Variants in PSD observed in about 807,000 individuals in gnomAD.
PSD encodes pleckstrin and Sec7 domain containing.
PSD carries 32 observed loss-of-function variants against 91.6 expected under a neutral mutation model. The ratio of observed to expected loss-of-function variants is 0.35; its 90% CI spans 0.26 to 0.47. The LOEUF is 0.47. Ranked by LOEUF, PSD falls within the 20% of genes least tolerant of loss-of-function variation. The pLI is 1.00. For synonymous variants in PSD, 532 were observed against 569.3 expected, an observed-to-expected ratio of 0.93 and a Z score of 0.93; for missense variants, 1,099 against 1,373.9, an observed-to-expected ratio of 0.80 and a Z score of 3.16.
rs1242948910 is a variant in PSD, at chr10:102,403,985, C to T, written c.2701G>A (p.Glu901Lys). Residue 901 changes from glutamate to lysine, a missense_variant and splice_region_variant, in exon 16 of 17, where the codon GAG (glutamate) becomes AAG (lysine). Coordinates refer to ENST00000020673, the MANE Select transcript of PSD (RefSeq NM_002779.5). This position sits in a 1 kb window ranked among gnomAD's most constrained non-coding sequence, Gnocchi z 6.7. ...GCCTCGTGGGTCCGCACCTGCTCCT[C>T]CTAGCGGCCAGGGGGAGGCATGGTC... The part of the protein sequence containing the change: ...LPSAATRLSQ[E>K]EQVRTHEAKL... 1.9e-6 allele frequency: 3 copies of T among 1,551,348 alleles called. No individual in the cohort carries two copies. The highest frequency in any genetic ancestry group is 2.7e-5 in the African/African-American group (2 of 73,558).
rs374445350 is a variant in PSD, at chr10:102,407,205, C to T, written c.2135+18G>A. Reference sequence around the variant, plus strand: ...CCCATGCCCCATCCTAGCCCCACCACGCAGCCCCGGGACTCACATGGCCCA... The same window carrying T: ...CCCATGCCCCATCCTAGCCCCACCATGCAGCCCCGGGACTCACATGGCCCA... On this transcript the variant is annotated intron_variant, in intron 11 of 16. Coordinates refer to ENST00000020673, the MANE Select transcript of PSD (RefSeq NM_002779.5). 167 of 1,599,972 alleles carry T rather than the reference C, an allele frequency of 1.0e-4. 1 individual carries two copies. The African/African-American group carries it at 1.9e-3, about 18-fold the overall frequency.
chr10:102,416,785 G>T lies in PSD; in HGVS notation c.254C>A (p.Pro85His). The change falls in exon 2 of 17, where the codon CCC becomes CAC. Residue 85 changes from proline to histidine, a missense_variant. Physicochemically the swap from Pro to His is moderately conservative, Grantham distance 77. Around this residue, in one of 3 missense-constraint regions of PSD, gnomAD observed 631 missense variants for 728.8 expected, o/e 0.87. Coordinates refer to ENST00000020673, the MANE Select transcript of PSD (RefSeq NM_002779.5). The surrounding 1 kb of genome is among the most constrained non-coding windows in gnomAD (Gnocchi z 6.0). ...SPRVAPSPWA[P>H]SSPTGQPPPG... is the part of the protein sequence containing the mutation. ...TGGGGGCTGCCCAGTGGGTGAAGAG[G>T]GTGCCCAGGGTGAGGGAGCAACACG... 1.3e-6 allele frequency: 2 copies of T among 1,595,422 alleles called. No homozygotes were observed. The highest frequency in any genetic ancestry group is 1.7e-6 in the Non-Finnish European group (2 of 1,170,306).
At position 102,404,165 on chromosome 10, in the gene PSD, G is replaced by A. The variant is rs568602372; in HGVS notation, c.2701-180C>T. Among the ~76,000 whole-genome samples the A allele has an allele frequency of 2.6e-5, 4 of 152,254 alleles. No individual in the cohort carries two copies. The highest frequency in any genetic ancestry group is 4.1e-4 in the South Asian group (2 of 4,822). ...AGATCGAGACCATCCTGGCTAACAC[G>A]GTGAAACCCCGTCTCTACTAAAAAT... On this transcript the variant is annotated intron_variant, in intron 15 of 16. Transcript: ENST00000020673. This position sits in a 1 kb window ranked among gnomAD's most constrained non-coding sequence, Gnocchi z 5.7.
At chr10:102,418,395 A>G (rs2061511072) in intron 1 of PSD, among the ~76,000 whole-genome samples, 1 of 152,026 alleles carries the variant, frequency 6.6e-6, no homozygotes. Flanking sequence ...ACAGTCACAT[A>G]CACATACAGA....
chr10:102,413,373 G>A (rs753587229), intron 5 of PSD, among the ~76,000 whole-genome samples: 12 of 152,190 alleles, frequency 7.9e-5, no homozygotes, highest in Non-Finnish European at 1.3e-4. Flanking sequence ...ACATGGGAGG[G>A]AGGCAGTGGG....
rs745558876 is a variant in PSD, at chr10:102,404,858, G to A, written c.2555+40C>T. 10 of 1,603,334 alleles carry A rather than the reference G, an allele frequency of 6.2e-6. No individual in the cohort carries two copies. Among genetic ancestry groups the A allele is most frequent in the Non-Finnish European group, 8.5e-6 (10 of 1,174,004 alleles). On this transcript the variant is annotated intron_variant, in intron 14 of 16. Coordinates refer to ENST00000020673, the MANE Select transcript of PSD (RefSeq NM_002779.5). This position sits in a 1 kb window ranked among gnomAD's most constrained non-coding sequence, Gnocchi z 5.7. ...CAGGGAGGGGAGCAGGATGGGAGGT[G>A]GGGGAAGGGGTCCGGGATGGGCAGG...
rs1273627593 is a variant in PSD, at chr10:102,409,772, A to G, written c.2091+1086T>C. 6.6e-6 allele frequency among the ~76,000 whole-genome samples: 1 copy of G among 152,092 alleles called. No individual in the cohort carries two copies. The highest frequency in any genetic ancestry group is 1.9e-4 in the East Asian group (1 of 5,178). On this transcript the variant is annotated intron_variant, in intron 10 of 16. Transcript: ENST00000020673. This position sits in a 1 kb window ranked among gnomAD's most constrained non-coding sequence, Gnocchi z 5.7. ...GCAGACACTACCCATTCAGATGGACACTTCAAAACTTAGAATCTTTAGCTC... is the reference window on the plus strand; with the variant it reads ...GCAGACACTACCCATTCAGATGGACGCTTCAAAACTTAGAATCTTTAGCTC...
Position 102,403,121 on chromosome 10 carries a change from C to A in PSD, c.*79G>T. 8.1e-7 allele frequency: 1 copy of A among 1,235,764 alleles called. No individual in the cohort carries two copies. 76.5% of individuals were successfully genotyped at this position (1,235,764 alleles called of 1,614,324 possible). The stretch of plus-strand genomic sequence containing the variant: ...TAGGCCGGGAGGCCCTCGTGGGTGG[C>A]CCGAGGCCGGCCCGGGCTCAGGCAG... On this transcript the variant is annotated 3_prime_UTR_variant, in exon 17 of 17. Transcript: ENST00000020673. This position sits in a 1 kb window ranked among gnomAD's most constrained non-coding sequence, Gnocchi z 6.7.
rs775475621 is a variant in PSD at position 102,416,823 on chromosome 10, G to A, written c.216C>T (p.Gly72=). ...AGGGAGCAACACGGGGTGAGGGGGG[G>A]CCACGCAGAGGTGTACAGGGTGCTG... ...RVTAPCTPLR[G]PPSPRVAPSP... The change falls in exon 2 of 17, where the codon GGC becomes GGT. Residue 72 remains glycine, a synonymous_variant. Coordinates refer to ENST00000020673, the MANE Select transcript of PSD (RefSeq NM_002779.5). The surrounding 1 kb of genome is among the most constrained non-coding windows in gnomAD (Gnocchi z 6.0). 2 of 1,598,248 alleles carry A rather than the reference G, an allele frequency of 1.3e-6. No homozygotes were observed. The highest frequency in any genetic ancestry group is 2.2e-5 in the East Asian group (1 of 44,740).
At position 102,410,725 on chromosome 10, in the gene PSD, A is replaced by G; in HGVS notation, c.2091+133T>C. On this transcript the variant is annotated intron_variant, in intron 10 of 16. Coordinates refer to ENST00000020673, the MANE Select transcript of PSD (RefSeq NM_002779.5). This position sits in a 1 kb window ranked among gnomAD's most constrained non-coding sequence, Gnocchi z 6.0. ...GGCGGTCCCCAGGCTGAGTCACGAG[A>G]GCCCGGGCTTCCGTGGCAGGAGCCG... is the stretch of plus-strand genomic sequence containing the variant. 1.4e-6 allele frequency: 1 copy of G among 736,290 alleles called. No homozygotes were observed. Among genetic ancestry groups the G allele is most frequent in the East Asian group, 2.5e-5 (1 of 39,766 alleles). 45.6% of individuals were successfully genotyped at this position (736,290 alleles called of 1,614,324 possible). A position where few individuals can be genotyped will look rare whatever the true frequency, so the allele number is the denominator to read the frequency against.
chr10:102,411,025 T>C, intron 9 of PSD, 33 bp downstream of exon 9: 1 of 1,613,180 alleles, frequency 6.2e-7, no homozygotes, highest in Non-Finnish European at 8.5e-7. Flanking sequence ...CAGGGGTTTG[T>C]TTTCCGGCTC....
Position 102,404,514 on chromosome 10 carries a change from T to C in PSD, c.2700+69A>G. The C allele has an allele frequency of 6.5e-7, 1 of 1,541,258 alleles. No individual in the cohort carries two copies. Among genetic ancestry groups the C allele is most frequent in the Non-Finnish European group, 8.8e-7 (1 of 1,138,580 alleles). Reference sequence around the variant, plus strand: ...ATCTCCACGATCACACGCAGCAGCCTTGAGTGCAGTGGGCCTGAGCCTAAC... The same window carrying C: ...ATCTCCACGATCACACGCAGCAGCCCTGAGTGCAGTGGGCCTGAGCCTAAC... On this transcript the variant is annotated intron_variant, in intron 15 of 16. Coordinates refer to ENST00000020673, the MANE Select transcript of PSD (RefSeq NM_002779.5). The surrounding 1 kb of genome is among the most constrained non-coding windows in gnomAD (Gnocchi z 5.7).
intron 11 of PSD, chr10:102,406,142 AC>A (rs2061358337): frequency 6.6e-6 from 1 of 152,228 alleles, no homozygotes; most frequent in Admixed American, 6.6e-5. Context: ...TTGGTCCCCC[AC>A]CCCATACTCA....
Position 102,403,710 on chromosome 10 carries a change from AGAG to A in PSD, c.2844+129_2844+131del, listed in dbSNP as rs1301858523. 5 of 1,202,118 alleles carry A rather than the reference AGAG, an allele frequency of 4.2e-6. No homozygotes were observed. The highest frequency in any genetic ancestry group is 5.6e-5 in the Admixed American group (2 of 35,672). 74.5% of individuals were successfully genotyped at this position (1,202,118 alleles called of 1,614,324 possible). A position where few individuals can be genotyped will look rare whatever the true frequency, so the allele number is the denominator to read the frequency against. On this transcript the variant is annotated intron_variant, in intron 16 of 16. Transcript: ENST00000020673. The surrounding 1 kb of genome is among the most constrained non-coding windows in gnomAD (Gnocchi z 6.7). ...ATGTCAAATGTTATCCTTGTTGCAC[AGAG>A]GAGGAAACTGAGGCTTAGGTTAAGC...
rs373495656 is a variant in PSD, at chr10:102,414,910, C to G, written c.1077G>C (p.Gly359=). ...NEDEDDDEAG[G]EEDVDDEVFE... is the part of the protein sequence containing the mutation. The stretch of plus-strand genomic sequence containing the variant: ...ACACCTCGTCGTCCACATCTTCTTC[C>G]CCACCTGCCTCATCGTCGTCCTCAT... The change falls in exon 4 of 17, where the codon GGG becomes GGC. Residue 359 remains glycine, a synonymous_variant. Coordinates refer to ENST00000020673, the MANE Select transcript of PSD (RefSeq NM_002779.5). The surrounding 1 kb of genome is among the most constrained non-coding windows in gnomAD (Gnocchi z 5.6). 5.8e-5 allele frequency: 88 copies of G among 1,509,894 alleles called. No individual in the cohort carries two copies. The highest frequency in any genetic ancestry group is 6.8e-5 in the Non-Finnish European group (77 of 1,127,258). 93.5% of individuals were successfully genotyped at this position (1,509,894 alleles called of 1,614,324 possible). A position where few individuals can be genotyped will look rare whatever the true frequency, so the allele number is the denominator to read the frequency against.
In PSD at chr10:102,404,124, G is replaced by A. The variant is rs897722921; in HGVS notation, c.2701-139C>T. ...AGCACTTTGGGAGGCCAAGGCGGGC[G>A]GATCACGAGGTCAGGAGATCGAGAC... is the stretch of plus-strand genomic sequence containing the variant. On this transcript the variant is annotated intron_variant, in intron 15 of 16. Transcript: ENST00000020673. This position sits in a 1 kb window ranked among gnomAD's most constrained non-coding sequence, Gnocchi z 5.7. 104 of 1,006,714 alleles carry A rather than the reference G, an allele frequency of 1.0e-4. 1 individual carries two copies. The highest frequency in any genetic ancestry group is 7.0e-4 in the African/African-American group (43 of 61,360). The allele number at this position is 1,006,714 out of a possible 1,614,324, so 62.4% of individuals were successfully genotyped here.
Position 102,409,121 on chromosome 10 carries a change from C to G in PSD, c.2091+1737G>C, listed in dbSNP as rs1473387169. 5.1e-6 allele frequency: 5 copies of G among 981,694 alleles called. No homozygotes were observed. The highest frequency in any genetic ancestry group is 6.0e-6 in the Non-Finnish European group (5 of 828,732). 60.8% of individuals were successfully genotyped at this position (981,694 alleles called of 1,614,324 possible). On this transcript the variant is annotated intron_variant, in intron 10 of 16. Coordinates refer to ENST00000020673, the MANE Select transcript of PSD (RefSeq NM_002779.5). This position sits in a 1 kb window ranked among gnomAD's most constrained non-coding sequence, Gnocchi z 5.7. ...GGCCCGGCCGGCGCGCCGCGGCCCCCGGCCATGCCCCCGTCCGCCCTCGGC... is the reference window on the plus strand; with the variant it reads ...GGCCCGGCCGGCGCGCCGCGGCCCCGGGCCATGCCCCCGTCCGCCCTCGGC...
rs2061402253 is a variant in PSD at position 102,409,395 on chromosome 10, C to CGG, written c.2091+1461_2091+1462dup. ...GAAGGGGGCCCTCCCCGCGCGGCCACGGGGAGGAGCCTGGGGAGGCCAGCG... is the reference window on the plus strand; with the variant it reads ...GAAGGGGGCCCTCCCCGCGCGGCCACGGGGGGAGGAGCCTGGGGAGGCCAGCG... On this transcript the variant is annotated intron_variant, in intron 10 of 16. Coordinates refer to ENST00000020673, the MANE Select transcript of PSD (RefSeq NM_002779.5). This position sits in a 1 kb window ranked among gnomAD's most constrained non-coding sequence, Gnocchi z 5.7. The CGG allele has an allele frequency of 6.1e-6, 6 of 980,986 alleles. No individual in the cohort carries two copies. The highest frequency in any genetic ancestry group is 7.3e-6 in the Non-Finnish European group (6 of 826,000). 60.8% of individuals were successfully genotyped at this position (980,986 alleles called of 1,614,324 possible).
chr10:102,418,772 C>T lies in PSD; in HGVS notation c.-155G>A, dbSNP rs907238415. On this transcript the variant is annotated 5_prime_UTR_variant, in exon 1 of 17. Transcript: ENST00000020673. Reference sequence around the variant, plus strand: ...GGGCCCAGCTGAGCTGTGAAGGCAGCGCGGCTCCCGTTTGCTCCAGGCCCG... The same window carrying T: ...GGGCCCAGCTGAGCTGTGAAGGCAGTGCGGCTCCCGTTTGCTCCAGGCCCG... The T allele has an allele frequency of 2.2e-5, 10 of 455,478 alleles. No homozygotes were observed. Among genetic ancestry groups the T allele is most frequent in the South Asian group, 1.4e-4 (9 of 64,526 alleles). The allele number at this position is 455,478 out of a possible 1,614,324, so 28.2% of individuals were successfully genotyped here. A position where few individuals can be genotyped will look rare whatever the true frequency, so the allele number is the denominator to read the frequency against.
Sources: allele counts gnomAD v4.1 joint callset (sites outside exome capture counted in the v4.1 genomes callset), GRCh38; gene constraint gnomAD v4.1.1; regional missense constraint gnomAD v4.1.1; non-coding constraint Gnocchi (gnomAD v3.1); transcripts MANE v1.5; gene names NCBI Gene and HGNC (gene_info 2026-07-23, HGNC 2026-07-21).